The following SPOCK1 variants were observed in gnomAD, a reference collection of about 807,000 sequenced individuals.
SPOCK1 encodes SPARC (osteonectin), cwcv and kazal like domains proteoglycan 1.
A neutral mutation model predicts 55.3 loss-of-function variants in SPOCK1; 23 were observed. The ratio of observed to expected loss-of-function variants is 0.42; its 90% CI spans 0.30 to 0.59. SPOCK1 has a LOEUF of 0.59. SPOCK1 is among the 20% of genes least tolerant of loss of function. The pLI is 0.22. For synonymous variants in SPOCK1, 226 were observed against 221.0 expected (o/e 1.02, Z -0.20); for missense variants, 499 against 552.5 (o/e 0.90, Z 0.97).
At chr5:137,229,245 G>T (rs1756004467) in intron 3 of SPOCK1, among the ~76,000 whole-genome samples, 2 of 152,212 alleles carry the variant, frequency 1.3e-5, no homozygotes, top group Admixed American at 1.3e-4. Flanking sequence ...AGAAAATAAT[G>T]TATATTGATC....
intron 2 of SPOCK1, among the ~76,000 whole-genome samples, chr5:137,451,515 A>C (rs1753255347): frequency 6.6e-6 from 1 of 152,212 alleles, no homozygotes; most frequent in African/African-American, 2.4e-5. Flanking sequence ...CAGACTCTTG[A>C]AATCTACCTC....
At position 136,975,982 on chromosome 5, in the gene SPOCK1, G is replaced by A. The variant is rs1750602949; in HGVS notation, c.*2672C>T. 1 of 152,184 alleles carries A rather than the reference G, an allele frequency of 6.6e-6. No homozygotes were observed. Among genetic ancestry groups the A allele is most frequent in the Non-Finnish European group, 1.5e-5 (1 of 68,026 alleles). The allele number at this position is 152,184 out of a possible 1,614,324, so 9.4% of individuals were successfully genotyped here. A position where few individuals can be genotyped will look rare whatever the true frequency, so the allele number is the denominator to read the frequency against. ...CTTAATACCTGTATCAAATGAGGAAGTGGTTTATTACAATATTTTTATAAT... is the reference window on the plus strand; with the variant it reads ...CTTAATACCTGTATCAAATGAGGAAATGGTTTATTACAATATTTTTATAAT... On this transcript the variant is annotated 3_prime_UTR_variant, in exon 11 of 11. Coordinates refer to ENST00000394945, the MANE Select transcript of SPOCK1 (RefSeq NM_004598.4).
intron 3 of SPOCK1, among the ~76,000 whole-genome samples, chr5:137,254,457 A>G (rs2961627): frequency 0.82 from 125,221 of 152,204 alleles, 51,773 homozygotes; most frequent in African/African-American, 0.9. Context: ...GATAGCTATC[A>G]TACTAATCAT....
intron 2 of SPOCK1, among the ~76,000 whole-genome samples, chr5:137,458,276 G>A (rs1250222794): frequency 6.6e-6 from 1 of 152,090 alleles, no homozygotes; most frequent in African/African-American, 2.4e-5. Flanking sequence ...TTCCAAACCT[G>A]GGTCCATAAT....
At chr5:137,195,458 T>C (rs1425545876) in intron 3 of SPOCK1, among the ~76,000 whole-genome samples, 1 of 152,238 alleles carries the variant, frequency 6.6e-6, no homozygotes, top group East Asian at 1.9e-4. Flanking sequence ...TAACAAAGCA[T>C]GCAGGCAGCC....
chr5:137,146,036 C>T (rs1190592131), intron 3 of SPOCK1, among the ~76,000 whole-genome samples: 1 of 152,168 alleles, frequency 6.6e-6, no homozygotes, highest in Non-Finnish European at 1.5e-5. Flanking sequence ...TGCCTTCAAC[C>T]CAGCATGCAA....
intron 3 of SPOCK1, among the ~76,000 whole-genome samples, chr5:137,193,315 G>C (rs1755225408): frequency 6.6e-6 from 1 of 152,178 alleles, no homozygotes. Context: ...GATATGCCTG[G>C]GAGGTGACCC....
intron 2 of SPOCK1, among the ~76,000 whole-genome samples, chr5:137,267,268 G>A (rs1157361730): frequency 6.6e-6 from 1 of 152,126 alleles, no homozygotes; most frequent in Non-Finnish European, 1.5e-5. Context: ...TTCAATACTG[G>A]GAATAGTAAA....
chr5:137,417,697 T>C (rs1245498622), intron 2 of SPOCK1, among the ~76,000 whole-genome samples: 1 of 152,206 alleles, frequency 6.6e-6, no homozygotes, highest in Admixed American at 6.6e-5. Context: ...CAATAGTTTG[T>C]TCTTATGCAT....
chr5:137,236,269 C>T (rs1203913003), intron 3 of SPOCK1, among the ~76,000 whole-genome samples: 2 of 152,222 alleles, frequency 1.3e-5, no homozygotes, highest in South Asian at 2.1e-4. Context: ...TTTGCAGTGA[C>T]GAGGGGGTTA....
chr5:137,221,834 G>C (rs997464430), intron 3 of SPOCK1, among the ~76,000 whole-genome samples: 2 of 152,196 alleles, frequency 1.3e-5, no homozygotes, highest in Non-Finnish European at 2.9e-5. Context: ...TAATGAAAAT[G>C]ATGAATGAAT....
At chr5:137,184,325 C>G (rs1170742720) in intron 3 of SPOCK1, among the ~76,000 whole-genome samples, 2 of 152,128 alleles carry the variant, frequency 1.3e-5, no homozygotes, top group Non-Finnish European at 2.9e-5. Flanking sequence ...CATCTCAGCT[C>G]CTCTCATGGA....
At chr5:137,396,309 A>G (rs2127181755) in intron 2 of SPOCK1, among the ~76,000 whole-genome samples, 1 of 152,372 alleles carries the variant, frequency 6.6e-6, no homozygotes, top group South Asian at 2.1e-4. Context: ...TGACTAGCAC[A>G]GTGTTTTTCA....
intron 5 of SPOCK1, among the ~76,000 whole-genome samples, chr5:137,074,488 C>G (rs1752687216): frequency 1.3e-5 from 2 of 152,098 alleles, no homozygotes; most frequent in South Asian, 2.1e-4. Flanking sequence ...CACAAATGTG[C>G]CAAAATACTA....
At chr5:137,232,565 ACT>A (rs1177049893) in intron 3 of SPOCK1, among the ~76,000 whole-genome samples, 1 of 152,160 alleles carries the variant, frequency 6.6e-6, no homozygotes, top group Non-Finnish European at 1.5e-5. Context: ...CCAGTACCAC[ACT>A]GTCTTGATTA....
chr5:136,992,712 T>C, intron 6 of SPOCK1, 112 bp from the exon 7 acceptor site: 1 of 719,922 alleles, frequency 1.4e-6, no homozygotes. Context: ...AACCACGATA[T>C]AACTGTTACC....
rs1408406405 is a variant in SPOCK1 at position 137,495,956 on chromosome 5, G to A, written c.186+2417C>T. Among the ~76,000 whole-genome samples, 3 of 152,016 alleles carry A rather than the reference G, an allele frequency of 2.0e-5. No homozygotes were observed. The East Asian group carries it at 5.8e-4, about 29-fold the overall frequency. On this transcript the variant is annotated intron_variant, in intron 2 of 10. Coordinates refer to ENST00000394945, the MANE Select transcript of SPOCK1 (RefSeq NM_004598.4). ...TTGAACATTTTTAGATGTTTTAATG[G>A]CATGCTGGATTAAATTATCATTTTT...
intron 6 of SPOCK1, among the ~76,000 whole-genome samples, chr5:137,060,269 T>C (rs1752371558): frequency 1.3e-5 from 2 of 152,184 alleles, no homozygotes; most frequent in East Asian, 1.9e-4. Flanking sequence ...TACATAGCCA[T>C]AAAAAAGAGT....
chr5:137,457,640 T>C (rs1232527179), intron 2 of SPOCK1, among the ~76,000 whole-genome samples: 1 of 152,162 alleles, frequency 6.6e-6, no homozygotes, highest in Non-Finnish European at 1.5e-5. Context: ...GGGTTTTAAA[T>C]CAGTAATTCA....
Sources: gnomAD v4.1 joint callset for allele counts (sites outside exome capture counted in the v4.1 genomes callset) on GRCh38, gnomAD v4.1.1 for gene constraint, MANE v1.5 for transcripts, NCBI Gene and HGNC (gene_info 2026-07-23, HGNC 2026-07-21) for gene names.